Variants in GLI2 observed in about 807,000 individuals in gnomAD.
GLI2 encodes transcription activator GLI2.
A neutral mutation model predicts 78.9 loss-of-function variants in GLI2; 22 were observed. The observed-to-expected ratio is 0.28, with a 90% CI of 0.20 to 0.40. The LOEUF (loss-of-function observed/expected upper bound fraction) is 0.40, where lower values mean the gene tolerates loss of function less well. Ranked by LOEUF, GLI2 falls within the 10% of genes least tolerant of loss-of-function variation. GLI2 has a pLI of 1.00. For missense variants in GLI2, 2,097 were observed against 2,213.2 expected, an observed-to-expected ratio of 0.95 and a Z score of 1.05; for synonymous variants, 974 against 963.7, an observed-to-expected ratio of 1.01 and a Z score of -0.20.
At chr2:120,910,563 C>T (rs113034612) in intron 2 of GLI2, among the ~76,000 whole-genome samples, 1,605 of 152,316 alleles carry the variant, frequency 0.011, 11 homozygotes, top group Non-Finnish European at 0.014. Flanking sequence ...TCTTGGGGAC[C>T]CGGGGTGGGC....
At chr2:120,913,209 C>T (rs1678921190) in intron 2 of GLI2, among the ~76,000 whole-genome samples, 3 of 152,112 alleles carry the variant, frequency 2.0e-5, no homozygotes, top group South Asian at 4.1e-4. Context: ...ATAATGATAA[C>T]GAGTTAGGCC....
intron 2 of GLI2, among the ~76,000 whole-genome samples, chr2:120,840,951 G>C (rs1246242132): frequency 6.6e-6 from 1 of 152,094 alleles, no homozygotes; most frequent in Non-Finnish European, 1.5e-5. Flanking sequence ...CTGGTCTTTG[G>C]GGTCCCTTTG....
intron 12 of GLI2, 34 bp from the exon 13 acceptor site, chr2:120,986,244 C>T: frequency 6.3e-7 from 1 of 1,590,272 alleles, no homozygotes; most frequent in Non-Finnish European, 8.6e-7. Context: ...CTGATACCCT[C>T]TGAGTCTGAG....
At position 120,735,989 on chromosome 2, in the gene GLI2, G is replaced by C. The variant is rs1423068334; in HGVS notation, c.-327G>C. Among the ~76,000 whole-genome samples, 5 of 152,024 alleles carry C rather than the reference G, an allele frequency of 3.3e-5. No homozygotes were observed. The East Asian group carries it at 9.8e-4, about 30-fold the overall frequency. On this transcript the variant is annotated 5_prime_UTR_variant, in exon 1 of 14. Transcript: ENST00000361492. ...GCGGGCGGCGGCGGCGGCTGCGACTGCGAACGCGGAGGAAGGCCAGGAGCC... is the reference window on the plus strand; with the variant it reads ...GCGGGCGGCGGCGGCGGCTGCGACTCCGAACGCGGAGGAAGGCCAGGAGCC...
intron 2 of GLI2, among the ~76,000 whole-genome samples, chr2:120,803,687 C>G (rs1274614755): frequency 6.6e-6 from 1 of 152,172 alleles, no homozygotes; most frequent in Non-Finnish European, 1.5e-5. Context: ...GTCTTTTCCC[C>G]AGCACGCTGG....
At chr2:120,880,629 C>T (rs1250761779) in intron 2 of GLI2, among the ~76,000 whole-genome samples, 1 of 152,010 alleles carries the variant, frequency 6.6e-6, no homozygotes, top group Admixed American at 6.5e-5. Context: ...TTTTTCTGTC[C>T]AGGTCCTGAA....
At chr2:120,901,886 T>C (rs1421930436) in intron 2 of GLI2, among the ~76,000 whole-genome samples, 2 of 152,196 alleles carry the variant, frequency 1.3e-5, no homozygotes, top group Admixed American at 1.3e-4. Context: ...CTTTTCAGCA[T>C]TGGGTATTCT....
intron 2 of GLI2, among the ~76,000 whole-genome samples, chr2:120,839,475 A>C (rs1014546067): frequency 2.0e-5 from 3 of 152,152 alleles, no homozygotes; most frequent in African/African-American, 7.2e-5. Context: ...ATTTAGCAGC[A>C]GTGTTTATAA....
intron 2 of GLI2, among the ~76,000 whole-genome samples, chr2:120,902,932 AGTT>A (rs2104787700): frequency 6.6e-6 from 1 of 152,328 alleles, no homozygotes; most frequent in South Asian, 2.1e-4. Context: ...AAGTTGCAGA[AGTT>A]GTTCATTTGG....
In GLI2 at chr2:120,940,897, C is replaced by T. The variant is rs1680418016; in HGVS notation, c.255-10346C>T. 2.0e-5 allele frequency among the ~76,000 whole-genome samples: 3 copies of T among 152,188 alleles called. 1 individual carries two copies. The highest frequency in any genetic ancestry group is 4.1e-4 in the South Asian group (2 of 4,822). ...CCTCACTACCTGGGTGCATGCGGGG[C>T]CCTGGCCGGGTCTGTCTCAGAACCC... On this transcript the variant is annotated intron_variant, in intron 3 of 13. Coordinates refer to ENST00000361492, the MANE Select transcript of GLI2 (RefSeq NM_001374353.1).
chr2:120,764,208 A>C (rs1270403219), intron 1 of GLI2, among the ~76,000 whole-genome samples: 1 of 152,228 alleles, frequency 6.6e-6, no homozygotes, highest in Non-Finnish European at 1.5e-5. Context: ...GGCAGAGCTG[A>C]CTGGCGGGCT....
At chr2:120,884,887 A>G (rs931628072) in intron 2 of GLI2, among the ~76,000 whole-genome samples, 33 of 152,022 alleles carry the variant, frequency 2.2e-4, no homozygotes, top group Non-Finnish European at 7.4e-5. Flanking sequence ...TCTTCCTGTA[A>G]TCTTCTCCCA....
chr2:120,886,075 G>C (rs1468850392), intron 2 of GLI2, among the ~76,000 whole-genome samples: 3 of 151,064 alleles, frequency 2.0e-5, no homozygotes, highest in Admixed American at 2.0e-4. Flanking sequence ...AAGTAAATTT[G>C]TGTGTGTGTG....
intron 2 of GLI2, among the ~76,000 whole-genome samples, chr2:120,818,201 G>A (rs919276589): frequency 1.3e-5 from 2 of 152,222 alleles, no homozygotes; most frequent in African/African-American, 4.8e-5. Flanking sequence ...TCCCCGAGGG[G>A]TGGCAGTGCC....
chr2:120,770,782 T>C (rs1247552197), intron 1 of GLI2, among the ~76,000 whole-genome samples: 1 of 152,148 alleles, frequency 6.6e-6, no homozygotes, highest in Non-Finnish European at 1.5e-5. Context: ...CAGGTGCCTG[T>C]TGGGTGTTCT....
chr2:120,941,767 G>C (rs1049469263), intron 3 of GLI2, among the ~76,000 whole-genome samples: 1 of 152,258 alleles, frequency 6.6e-6, no homozygotes, highest in Non-Finnish European at 1.5e-5. Context: ...ATCCTGGTGG[G>C]TGGTAGGCAT....
chr2:120,862,486 T>TTATC (rs1238560705), intron 2 of GLI2, among the ~76,000 whole-genome samples: 1 of 152,148 alleles, frequency 6.6e-6, no homozygotes, highest in Non-Finnish European at 1.5e-5. Context: ...CCCTGTTTCC[T>TTATC]TATCTGTAAA....
chr2:120,965,694 C>G (rs188108478), intron 5 of GLI2, among the ~76,000 whole-genome samples: 2 of 152,354 alleles, frequency 1.3e-5, no homozygotes, highest in Admixed American at 1.3e-4. Flanking sequence ...CAGAGGGGCA[C>G]ACTCCACCCA....
At chr2:120,986,025 T>G (rs1456938337) in intron 12 of GLI2, among the ~76,000 whole-genome samples, 1 of 152,238 alleles carries the variant, frequency 6.6e-6, no homozygotes, top group Non-Finnish European at 1.5e-5. Flanking sequence ...ACCCACCCAC[T>G]AACTCTGCAC....
Sources: gnomAD v4.1 joint callset for allele counts (sites outside exome capture counted in the v4.1 genomes callset) on GRCh38, gnomAD v4.1.1 for gene constraint, MANE v1.5 for transcripts, NCBI Gene and HGNC (gene_info 2026-07-23, HGNC 2026-07-21) for gene names.